Variants in ASXL3 observed in about 807,000 individuals in gnomAD.
ASXL3 encodes ASXL transcriptional regulator 3, also known as putative Polycomb group protein ASXL3.
A neutral mutation model predicts 170.6 loss-of-function variants in ASXL3; 34 were observed. The observed-to-expected ratio is 0.20, with a 90% CI of 0.15 to 0.27. The LOEUF (loss-of-function observed/expected upper bound fraction) is 0.27, where lower values mean the gene tolerates loss of function less well. Ranked by LOEUF, ASXL3 falls within the 10% of genes least tolerant of loss-of-function variation. The probability of loss-of-function intolerance (pLI) is 1.00; values close to 1 mark genes in which losing one functional copy is unlikely to be tolerated. For missense variants in ASXL3, 2,592 were observed against 2,695.3 expected, an observed-to-expected ratio of 0.96 and a Z score of 0.85; for synonymous variants, 1,002 against 989.1, an observed-to-expected ratio of 1.01 and a Z score of -0.24.
chr18:33,651,805 T>G (rs2066003181), intron 4 of ASXL3, among the ~76,000 whole-genome samples: 1 of 152,106 alleles, frequency 6.6e-6, no homozygotes, highest in South Asian at 2.1e-4. Context: ...TTATAATACT[T>G]TAGTCCTCTT....
intron 8 of ASXL3, among the ~76,000 whole-genome samples, chr18:33,720,649 A>G (rs986351564): frequency 6.6e-6 from 1 of 152,114 alleles, no homozygotes; most frequent in African/African-American, 2.4e-5. Flanking sequence ...GGTCCTCCAC[A>G]AGTTTGTTTG....
At chr18:33,727,844 A>G (rs2067375921) in intron 8 of ASXL3, among the ~76,000 whole-genome samples, 1 of 152,198 alleles carries the variant, frequency 6.6e-6, no homozygotes, top group South Asian at 2.1e-4. Context: ...CCTAAATCAA[A>G]TTCAGCACTA....
At position 33,748,255 on chromosome 18, in the gene ASXL3, C is replaced by T. The variant is rs2067828946; in HGVS notation, c.*1660C>T. ...AGTTGACTGGAATGAGCAGAAATTA[C>T]ATTCCTGAAAACAAGAACACTTGTG... On this transcript the variant is annotated 3_prime_UTR_variant, in exon 12 of 12. Transcript: ENST00000269197. 6.6e-6 allele frequency: 1 copy of T among 152,178 alleles called. No individual in the cohort carries two copies. Among genetic ancestry groups the T allele is most frequent in the Admixed American group, 6.5e-5 (1 of 15,276 alleles). The allele number at this position is 152,178 out of a possible 1,614,324, so 9.4% of individuals were successfully genotyped here. A position where few individuals can be genotyped will look rare whatever the true frequency, so the allele number is the denominator to read the frequency against.
At chr18:33,706,429 C>T (rs2066960432) in intron 8 of ASXL3, among the ~76,000 whole-genome samples, 3 of 151,752 alleles carry the variant, frequency 2.0e-5, no homozygotes, top group African/African-American at 7.2e-5. Context: ...TAGTATTAAA[C>T]TATCTTAAAT....
In ASXL3 at chr18:33,578,701, C is replaced by A. The variant is rs539090260; in HGVS notation, c.54+16C>A. The A allele has an allele frequency of 2.4e-6, 3 of 1,251,880 alleles. No homozygotes were observed. The highest frequency in any genetic ancestry group is 2.0e-6 in the Non-Finnish European group (2 of 977,936). The allele number at this position is 1,251,880 out of a possible 1,614,324, so 77.5% of individuals were successfully genotyped here. On this transcript the variant is annotated intron_variant, in intron 1 of 11. Coordinates refer to ENST00000269197, the MANE Select transcript of ASXL3 (RefSeq NM_030632.3). ...TGCCCGCCTGGTACGTACCGCCCCC[C>A]ACACGCCGCCCGCGCCTCCCGCCGG... is the stretch of plus-strand genomic sequence containing the variant.
At position 33,747,877 on chromosome 18, in the gene ASXL3, A is replaced by G. The variant is rs2067821761; in HGVS notation, c.*1282A>G. ...AGTTATCTTCAGTGTGCATCCAGTA[A>G]AGTCTGCGTGTTGAGTATTTGAGCT... On this transcript the variant is annotated 3_prime_UTR_variant, in exon 12 of 12. Coordinates refer to ENST00000269197, the MANE Select transcript of ASXL3 (RefSeq NM_030632.3). 1 of 152,174 alleles carries G rather than the reference A, an allele frequency of 6.6e-6. No individual in the cohort carries two copies. The highest frequency in any genetic ancestry group is 1.5e-5 in the Non-Finnish European group (1 of 68,046). The allele number at this position is 152,174 out of a possible 1,614,324, so 9.4% of individuals were successfully genotyped here.
At chr18:33,735,371 T>C (rs926955170) in intron 10 of ASXL3, among the ~76,000 whole-genome samples, 9 of 152,182 alleles carry the variant, frequency 5.9e-5, no homozygotes, top group African/African-American at 2.2e-4. Flanking sequence ...TCATGAATTG[T>C]CCTAAATGGC....
In ASXL3 at chr18:33,745,019, C is replaced by T. The variant is rs776314178; in HGVS notation, c.5171C>T (p.Thr1724Ile). Residue 1724 changes from threonine to isoleucine, a missense_variant, in exon 12 of 12, where the codon ACC (threonine) becomes ATC (isoleucine). Physicochemically the swap from Thr to Ile is moderately conservative, Grantham distance 89. Coordinates refer to ENST00000269197, the MANE Select transcript of ASXL3 (RefSeq NM_030632.3). ...ATGGAAGAGGCTATTTCCTTGGCTA[C>T]CGATGCCCTGAAGAGAGTCCCTGGT... is the stretch of plus-strand genomic sequence containing the variant. ...SPMEEAISLATDALKRVPGAG... is the reference protein window; with the variant it reads ...SPMEEAISLAIDALKRVPGAG... 2 of 1,614,016 alleles carry T rather than the reference C, an allele frequency of 1.2e-6. No individual in the cohort carries two copies. The highest frequency in any genetic ancestry group is 1.7e-6 in the Non-Finnish European group (2 of 1,179,902).
At chr18:33,715,628 G>A (rs945063782) in intron 8 of ASXL3, among the ~76,000 whole-genome samples, 3 of 152,204 alleles carry the variant, frequency 2.0e-5, no homozygotes, top group African/African-American at 4.8e-5. Context: ...TAATATTTTT[G>A]TTACTAACAA....
At chr18:33,731,908 C>A (rs139327492) in intron 8 of ASXL3, 60 bp from the exon 9 acceptor site, 20 of 1,425,266 alleles carry the variant, frequency 1.4e-5, no homozygotes, top group Non-Finnish European at 2.0e-5. Context: ...TTCTTTCCTG[C>A]ATACTTTTGC....
intron 8 of ASXL3, among the ~76,000 whole-genome samples, chr18:33,692,353 C>T (rs925464228): frequency 3.3e-5 from 5 of 152,098 alleles, no homozygotes; most frequent in African/African-American, 7.2e-5. Flanking sequence ...CCCAGACTCT[C>T]CACCTTGCTG....
rs969104025 is a variant in ASXL3, at chr18:33,747,587, G to A, written c.*992G>A. 4 of 152,032 alleles carry A rather than the reference G, an allele frequency of 2.6e-5. No individual in the cohort carries two copies. Among genetic ancestry groups the A allele is most frequent in the Non-Finnish European group, 5.9e-5 (4 of 68,010 alleles). 9.4% of individuals were successfully genotyped at this position (152,032 alleles called of 1,614,324 possible). The stretch of plus-strand genomic sequence containing the variant: ...TTATTGATGACACCCATTCATTCTG[G>A]CTTCAGACCTTGCAGAGGTTGGCCA... On this transcript the variant is annotated 3_prime_UTR_variant, in exon 12 of 12. Transcript: ENST00000269197.
At chr18:33,720,294 G>A (rs780876296) in intron 8 of ASXL3, among the ~76,000 whole-genome samples, 1 of 151,876 alleles carries the variant, frequency 6.6e-6, no homozygotes, top group Non-Finnish European at 1.5e-5. Flanking sequence ...GTTAAAGAAA[G>A]GAATGACTAA....
intron 1 of ASXL3, among the ~76,000 whole-genome samples, chr18:33,606,979 A>G (rs541565822): frequency 6.6e-6 from 1 of 152,134 alleles, no homozygotes; most frequent in African/African-American, 2.4e-5. Context: ...AGAGGAGAGA[A>G]AGAGAATGGG....
At chr18:33,630,178 G>C (rs533265796) in intron 2 of ASXL3, among the ~76,000 whole-genome samples, 1 of 152,068 alleles carries the variant, frequency 6.6e-6, no homozygotes, top group African/African-American at 2.4e-5. Context: ...GGGGAAGGGT[G>C]CTTAAATTCA....
At chr18:33,631,552 A>G (rs894659725) in intron 2 of ASXL3, among the ~76,000 whole-genome samples, 1 of 152,090 alleles carries the variant, frequency 6.6e-6, no homozygotes, top group African/African-American at 2.4e-5. Flanking sequence ...ACCTAATATA[A>G]AGTATTCTTG....
In ASXL3 at chr18:33,606,289, C is replaced by G. The variant is rs1297370348; in HGVS notation, c.55-1305C>G. Among the ~76,000 whole-genome samples, 4 of 152,032 alleles carry G rather than the reference C, an allele frequency of 2.6e-5. 1 individual carries two copies. Among genetic ancestry groups the G allele is most frequent in the Admixed American group, 2.0e-4 (3 of 15,240 alleles). ...CCGTTCACATATTCGTTGCCATACCCTTGTTGTAGTGTGGCTCATATTTCT... is the reference window on the plus strand; with the variant it reads ...CCGTTCACATATTCGTTGCCATACCGTTGTTGTAGTGTGGCTCATATTTCT... On this transcript the variant is annotated intron_variant, in intron 1 of 11. Transcript: ENST00000269197.
chr18:33,674,808 C>T (rs1424282238), intron 7 of ASXL3, among the ~76,000 whole-genome samples: 1 of 151,834 alleles, frequency 6.6e-6, no homozygotes, highest in Non-Finnish European at 1.5e-5. Context: ...TTAGTAGAGA[C>T]GGGGTTTCAC....
chr18:33,661,788 TA>T, intron 5 of ASXL3, 51 bp downstream of exon 5: 1 of 1,569,878 alleles, frequency 6.4e-7, no homozygotes, highest in South Asian at 1.2e-5. Context: ...ATACTTAAGG[TA>T]ATGTGTGTTT....
Sources: gnomAD v4.1 joint callset for allele counts (sites outside exome capture counted in the v4.1 genomes callset) on GRCh38, gnomAD v4.1.1 for gene constraint, MANE v1.5 for transcripts, NCBI Gene and HGNC (gene_info 2026-07-23, HGNC 2026-07-21) for gene names.